ITGAE: variants seen among roughly 807,000 people sequenced by gnomAD.
The protein encoded by ITGAE is integrin alpha-E.
Under a neutral mutation model 136.5 loss-of-function variants are expected in ITGAE, and 99 were observed. The ratio of observed to expected loss-of-function variants is 0.73; its 90% CI spans 0.62 to 0.86. The LOEUF is 0.86. ITGAE is among the 40% of genes least tolerant of loss of function. ITGAE has a pLI of 0.00. For synonymous variants in ITGAE, 613 were observed against 591.8 expected (o/e 1.04, Z -0.52); for missense variants, 1,447 against 1,515.3 (o/e 0.95, Z 0.75).
intron 28 of ITGAE, 79 bp from the exon 29 acceptor site, chr17:3,720,481 C>T: frequency 1.4e-6 from 1 of 704,862 alleles, no homozygotes; most frequent in South Asian, 1.6e-5. Context: ...GCCTTCACCA[C>T]CTTTCCCTTT....
chr17:3,745,846 C>G lies in ITGAE; in HGVS notation c.2237G>C (p.Arg746Thr). 3 of 1,614,154 alleles carry G rather than the reference C, an allele frequency of 1.9e-6. No homozygotes were observed. The South Asian group carries it at 3.3e-5, about 18-fold the overall frequency. The stretch of plus-strand genomic sequence containing the variant: ...CTCCCTCAGGCAGCCCAGACAGCTT[C>G]TTACGTCTGAACACTGCAGCCGTCT... ...QRRRLQCSDV[R>T]SCLGCLREWS... The change falls in exon 18 of 31, where the codon AGA becomes ACA. Residue 746 changes from arginine (R) to threonine (T), a missense_variant. Physicochemically the swap from Arg to Thr is moderately conservative, Grantham distance 71 (BLOSUM62 -1). This residue lies in a region of ITGAE where 1,031 missense variants were observed against 1,011.4 expected (regional missense o/e 1.02). Transcript: ENST00000263087.
chr17:3,796,170 C>CGTGTGTGTGTGTGTGTGTGT (rs71381510), intron 1 of ITGAE, among the ~76,000 whole-genome samples: 2,355 of 126,938 alleles, frequency 0.019, 66 homozygotes, highest in Middle Eastern at 0.039. Context: ...TGTGTGCATC[C>CGTGTGTGTGTGTGTGTGTGT]GTGTGTGTGT....
chr17:3,747,880 G>A, intron 17 of ITGAE, 42 bp downstream of exon 17: 7 of 1,490,428 alleles, frequency 4.7e-6, no homozygotes, highest in Non-Finnish European at 6.3e-6. Flanking sequence ...AAAAAGGAAA[G>A]ACCATCACAC....
chr17:3,756,889 G>A lies in ITGAE; in HGVS notation c.1171+95C>T, dbSNP rs771107121. 3.0e-6 allele frequency: 4 copies of A among 1,316,656 alleles called. No individual in the cohort carries two copies. The African/African-American group carries it at 5.9e-5, about 19-fold the overall frequency. The allele number at this position is 1,316,656 out of a possible 1,614,324, so 81.6% of individuals were successfully genotyped here. ...GAGCTGAGGTTCAGGGAGATGATGGGAGTTGCTCAGAGAAACCACATGAAG... is the reference window on the plus strand; with the variant it reads ...GAGCTGAGGTTCAGGGAGATGATGGAAGTTGCTCAGAGAAACCACATGAAG... On this transcript the variant is annotated intron_variant, in intron 10 of 30. Transcript: ENST00000263087.
intron 18 of ITGAE, among the ~76,000 whole-genome samples, chr17:3,744,050 A>T (rs1597323587): frequency 1.4e-5 from 2 of 145,334 alleles, no homozygotes; most frequent in Non-Finnish European, 3.0e-5. Context: ...TCACTCTGTC[A>T]CCCAGTCTGG....
intron 26 of ITGAE, 162 bp from the exon 27 acceptor site, chr17:3,723,906 T>G (rs778001144): frequency 2.0e-6 from 3 of 1,535,210 alleles, no homozygotes; most frequent in South Asian, 2.5e-5. Flanking sequence ...TCGCGATGTT[T>G]GCGTTTGAAC....
chr17:3,785,561 T>C (rs2052772839), intron 1 of ITGAE, among the ~76,000 whole-genome samples: 1 of 136,856 alleles, frequency 7.3e-6, no homozygotes, highest in Admixed American at 7.5e-5. Context: ...GAAGGAAAAC[T>C]AGAAAAATCT....
In ITGAE at chr17:3,717,194, A is replaced by G. The variant is rs546818107; in HGVS notation, c.3334-396T>C. 9.2e-4 allele frequency: 151 copies of G among 163,898 alleles called. 1 individual carries two copies. Among genetic ancestry groups the G allele is most frequent in the African/African-American group, 3.6e-3 (150 of 41,704 alleles). 10.2% of individuals were successfully genotyped at this position (163,898 alleles called of 1,614,324 possible). On this transcript the variant is annotated intron_variant, in intron 29 of 30. Coordinates refer to ENST00000263087, the MANE Select transcript of ITGAE (RefSeq NM_002208.5). ...CGTGCCTATGCTCTTTAAAATGATG[A>G]CTTCCTTTAAATGATCTCCAAGTCC...
At chr17:3,731,634 G>A (rs2051346716) in intron 22 of ITGAE, among the ~76,000 whole-genome samples, 1 of 151,374 alleles carries the variant, frequency 6.6e-6, no homozygotes, top group African/African-American at 2.4e-5. Context: ...GAGCCACCGC[G>A]CCTGGCCCCG....
intron 29 of ITGAE, chr17:3,718,116 C>G (rs2050977235): frequency 6.6e-6 from 1 of 152,252 alleles, no homozygotes; most frequent in South Asian, 2.1e-4. Context: ...GCTGGCCTGC[C>G]CAGGGGCCCC....
chr17:3,757,989 G>A, intron 8 of ITGAE, 130 bp from the exon 9 acceptor site: 1 of 1,089,904 alleles, frequency 9.2e-7, no homozygotes, highest in South Asian at 1.5e-5. Context: ...CCCAGAGAAG[G>A]GGGTGATGCC....
intron 8 of ITGAE, 63 bp downstream of exon 8, chr17:3,759,339 C>T: frequency 6.3e-7 from 1 of 1,577,208 alleles, no homozygotes; most frequent in Non-Finnish European, 8.7e-7. Flanking sequence ...CCACTTCCTC[C>T]ATGAGTGATG....
At chr17:3,784,683 G>A (rs1041036920) in intron 1 of ITGAE, among the ~76,000 whole-genome samples, 1 of 152,020 alleles carries the variant, frequency 6.6e-6, no homozygotes, top group African/African-American at 2.4e-5. Flanking sequence ...GTGAGCCACC[G>A]CACCCTCAGA....
At chr17:3,772,279 G>A (rs1419506560) in intron 2 of ITGAE, among the ~76,000 whole-genome samples, 1 of 152,056 alleles carries the variant, frequency 6.6e-6, no homozygotes, top group Non-Finnish European at 1.5e-5. Context: ...TGTCACTCTT[G>A]TCATCGTCTA....
At chr17:3,749,629 T>A (rs2051814007) in intron 16 of ITGAE, among the ~76,000 whole-genome samples, 1 of 152,090 alleles carries the variant, frequency 6.6e-6, no homozygotes, top group Non-Finnish European at 1.5e-5. Flanking sequence ...AGACAGCAAG[T>A]CTGCAGCTTG....
At chr17:3,791,691 C>T (rs1360056249) in intron 1 of ITGAE, among the ~76,000 whole-genome samples, 1 of 152,132 alleles carries the variant, frequency 6.6e-6, no homozygotes, top group African/African-American at 2.4e-5. Context: ...AATGAGTCAT[C>T]GGAGATCTTG....
chr17:3,795,275 C>T (rs1453293220), intron 1 of ITGAE, among the ~76,000 whole-genome samples: 3 of 152,318 alleles, frequency 2.0e-5, no homozygotes, highest in African/African-American at 7.2e-5. Flanking sequence ...CTGAGTCACA[C>T]ACAACACCCC....
At chr17:3,729,454 T>C (rs754279057) in intron 24 of ITGAE, 24 bp downstream of exon 24, 10 of 1,503,140 alleles carry the variant, frequency 6.7e-6, no homozygotes, top group Non-Finnish European at 9.3e-6. Flanking sequence ...GTCACACCGC[T>C]GCTGGCCTCT....
chr17:3,716,713 A>G lies in ITGAE; in HGVS notation c.3419T>C (p.Ile1140Thr), dbSNP rs2050949541. The change falls in exon 30 of 31, where the codon ATC (isoleucine) becomes ACC (threonine). Residue 1140 changes from isoleucine to threonine, a missense_variant. This residue lies in a region of ITGAE where 1,031 missense variants were observed against 1,011.4 expected (regional missense o/e 1.02). Transcript: ENST00000263087. ...CTTGAACAGGATGACCAGAATCACG[A>G]TCAACACCAGAAGTCCACCAACGCT... ...KGSVGGLLVL[I>T]VILVILFKCG... The G allele has an allele frequency of 6.2e-7, 1 of 1,605,602 alleles. No individual in the cohort carries two copies. Among genetic ancestry groups the G allele is most frequent in the Non-Finnish European group, 8.5e-7 (1 of 1,172,214 alleles).
Sources: allele counts gnomAD v4.1 joint callset (sites outside exome capture counted in the v4.1 genomes callset), GRCh38; gene constraint gnomAD v4.1.1; regional missense constraint gnomAD v4.1.1; transcripts MANE v1.5; gene names NCBI Gene and HGNC (gene_info 2026-07-23, HGNC 2026-07-21).